The following SCYL2 variants were observed in gnomAD, a reference collection of about 807,000 sequenced individuals.
SCYL2 encodes the protein SCY1-like protein 2.
Under a neutral mutation model 100.4 loss-of-function variants are expected in SCYL2, and 36 were observed. The observed-to-expected ratio is 0.36, with a 90% CI of 0.27 to 0.47. SCYL2 has a LOEUF of 0.47. Ranked by LOEUF, SCYL2 falls within the 20% of genes least tolerant of loss-of-function variation. SCYL2 has a pLI of 1.00. For synonymous variants in SCYL2, 330 were observed against 359.2 expected (o/e 0.92, Z 0.92); for missense variants, 902 against 1,083.9 (o/e 0.83, Z 2.36).
intron 1 of SCYL2, among the ~76,000 whole-genome samples, chr12:100,277,968 A>C (rs929490032): frequency 3.3e-5 from 5 of 152,110 alleles, no homozygotes; most frequent in African/African-American, 1.2e-4. Context: ...ATGATACTGT[A>C]CTGCCTCAAA....
At chr12:100,336,139 A>T (rs1163835415) in intron 16 of SCYL2, among the ~76,000 whole-genome samples, 1 of 151,906 alleles carries the variant, frequency 6.6e-6, no homozygotes. Context: ...ATATTTATAG[A>T]CTCCTTGACT....
chr12:100,268,658 C>T (rs138167215), intron 1 of SCYL2, among the ~76,000 whole-genome samples: 27 of 152,244 alleles, frequency 1.8e-4, no homozygotes, highest in Admixed American at 1.1e-3. Context: ...TAAATACAGG[C>T]ACATTGTACT....
At chr12:100,279,376 C>T (rs545104998) in intron 1 of SCYL2, among the ~76,000 whole-genome samples, 8 of 152,364 alleles carry the variant, frequency 5.3e-5, no homozygotes, top group African/African-American at 1.9e-4. Flanking sequence ...ACCTCCTGCT[C>T]TGCAGCCCGG....
At chr12:100,303,630 A>G (rs2096330431) in intron 4 of SCYL2, among the ~76,000 whole-genome samples, 1 of 152,168 alleles carries the variant, frequency 6.6e-6, no homozygotes, top group African/African-American at 2.4e-5. Flanking sequence ...TTCCTCTGGA[A>G]GCTTTGTCCT....
intron 11 of SCYL2, 47 bp from the exon 12 acceptor site, chr12:100,326,575 G>T (rs2096362066): frequency 7.1e-7 from 1 of 1,408,738 alleles, no homozygotes; most frequent in Non-Finnish European, 9.6e-7. Flanking sequence ...TTTTGTTCTA[G>T]ATTTTGAAAA....
intron 4 of SCYL2, among the ~76,000 whole-genome samples, chr12:100,301,920 A>G (rs1255136073): frequency 6.6e-6 from 1 of 152,194 alleles, no homozygotes; most frequent in Non-Finnish European, 1.5e-5. Flanking sequence ...ATGGCGTACT[A>G]TGTGGGTATC....
intron 2 of SCYL2, among the ~76,000 whole-genome samples, chr12:100,285,592 T>C (rs981657269): frequency 4.6e-5 from 7 of 152,196 alleles, no homozygotes; most frequent in African/African-American, 1.7e-4. Flanking sequence ...ACATTCTGGG[T>C]GGAGGGTTTA....
rs117298167 is a variant in SCYL2 at position 100,272,749 on chromosome 12, T to C, written c.-29+4957T>C. On this transcript the variant is annotated intron_variant, in intron 1 of 17. Coordinates refer to ENST00000360820, the MANE Select transcript of SCYL2 (RefSeq NM_017988.6). ...TAGTTTCGTTCTTTTCTTCTCTTGG[T>C]TTTAACTTGTTTCTTAATTTTTCCT... Among the ~76,000 whole-genome samples the C allele has an allele frequency of 5.3e-5, 8 of 152,254 alleles. No homozygotes were observed. In the East Asian group the frequency reaches 1.5e-3, roughly 29 times the overall value.
chr12:100,338,885 A>G lies in SCYL2; in HGVS notation c.2503A>G (p.Thr835Ala), dbSNP rs1189549639. Residue 835 changes from threonine to alanine, a missense_variant, in exon 18 of 18, where the codon ACA becomes GCA. Thr to Ala is a moderately conservative substitution (Grantham distance 58, BLOSUM62 0). Transcript: ENST00000360820. ...AGAKQTQQRP[T>A]DMSALNNLFG... The stretch of plus-strand genomic sequence containing the variant: ...TGCAAAGCAGACCCAACAAAGACCC[A>G]CAGATATGTCTGCCCTTAATAATCT... 1 of 1,614,156 alleles carries G rather than the reference A, an allele frequency of 6.2e-7. No homozygotes were observed. Among genetic ancestry groups the G allele is most frequent in the Non-Finnish European group, 8.5e-7 (1 of 1,179,994 alleles).
At chr12:100,280,713 G>A (rs1409069910) in intron 1 of SCYL2, among the ~76,000 whole-genome samples, 1 of 152,074 alleles carries the variant, frequency 6.6e-6, no homozygotes, top group Non-Finnish European at 1.5e-5. Context: ...GGTGCTTAAA[G>A]GAAATGCTCT....
At position 100,291,489 on chromosome 12, in the gene SCYL2, ATTC is replaced by A. The variant is rs1479255428; in HGVS notation, c.178-11_178-9del. The stretch of plus-strand genomic sequence containing the variant: ...TATATTTCTTGACTAAAATTACACA[ATTC>A]TTTTATTTAGGAAGTGGCAGTTTTT... On this transcript the variant is annotated splice_polypyrimidine_tract_variant and intron_variant, in intron 2 of 17. Transcript: ENST00000360820. 5.5e-6 allele frequency: 8 copies of A among 1,466,024 alleles called. No individual in the cohort carries two copies. The African/African-American group carries it at 5.8e-5, about 11-fold the overall frequency. 90.8% of individuals were successfully genotyped at this position (1,466,024 alleles called of 1,614,324 possible). A position where few individuals can be genotyped will look rare whatever the true frequency, so the allele number is the denominator to read the frequency against.
chr12:100,318,238 T>C (rs576960485), intron 10 of SCYL2, among the ~76,000 whole-genome samples: 4 of 152,270 alleles, frequency 2.6e-5, no homozygotes, highest in African/African-American at 9.6e-5. Flanking sequence ...TTGTAGTTTG[T>C]ATTATTGTAT....
intron 3 of SCYL2, among the ~76,000 whole-genome samples, chr12:100,296,124 A>C (rs1244538441): frequency 6.6e-6 from 1 of 152,226 alleles, no homozygotes; most frequent in African/African-American, 2.4e-5. Context: ...AATATTATAG[A>C]ATTAGGAATT....
At chr12:100,293,204 G>A (rs2096312613) in intron 3 of SCYL2, among the ~76,000 whole-genome samples, 1 of 152,080 alleles carries the variant, frequency 6.6e-6, no homozygotes, top group Admixed American at 6.6e-5. Context: ...TGATCCTCCT[G>A]CCTCAGCCTA....
At position 100,338,924 on chromosome 12, in the gene SCYL2, A is replaced by G; in HGVS notation, c.2542A>G (p.Lys848Glu). 1 of 1,614,188 alleles carries G rather than the reference A, an allele frequency of 6.2e-7. No individual in the cohort carries two copies. Among genetic ancestry groups the G allele is most frequent in the South Asian group, 1.1e-5 (1 of 91,088 alleles). Reference protein sequence around the residue: ...SALNNLFGPQKPKVSMNQLSQ... With the variant: ...SALNNLFGPQEPKVSMNQLSQ... ...CCTTAATAATCTCTTTGGCCCTCAG[A>G]AACCCAAAGTTAGCATGAACCAGTT... Residue 848 changes from lysine (K) to glutamate (E), a missense_variant, in exon 18 of 18, where the codon AAA becomes GAA. Physicochemically the swap from Lys to Glu is moderately conservative, Grantham distance 56. Transcript: ENST00000360820.
chr12:100,326,820 AC>A, intron 12 of SCYL2, 66 bp downstream of exon 12: 3 of 1,334,486 alleles, frequency 2.2e-6, no homozygotes, highest in Non-Finnish European at 3.1e-6. Context: ...AATCTATAAA[AC>A]AATTATACTC....
chr12:100,330,039 T>C (rs990508448), intron 13 of SCYL2, among the ~76,000 whole-genome samples: 1 of 152,210 alleles, frequency 6.6e-6, no homozygotes, highest in Non-Finnish European at 1.5e-5. Context: ...TGCCATAGTC[T>C]GTTGCTTTAG....
chr12:100,295,720 C>A (rs938041602), intron 3 of SCYL2, among the ~76,000 whole-genome samples: 2 of 150,840 alleles, frequency 1.3e-5, no homozygotes, highest in Non-Finnish European at 3.0e-5. Flanking sequence ...CGTGGGGAGA[C>A]GGGAGAGGGA....
rs867045390 is a variant in SCYL2, at chr12:100,341,515, T to C, written c.*2343T>C. The C allele has an allele frequency of 1.3e-5, 2 of 152,314 alleles. No individual in the cohort carries two copies. The highest frequency in any genetic ancestry group is 4.8e-5 in the African/African-American group (2 of 41,590). The allele number at this position is 152,314 out of a possible 1,614,324, so 9.4% of individuals were successfully genotyped here. A position where few individuals can be genotyped will look rare whatever the true frequency, so the allele number is the denominator to read the frequency against. On this transcript the variant is annotated 3_prime_UTR_variant, in exon 18 of 18. Transcript: ENST00000360820. ...TATAAAAGGAAATGGAAATAGACTA[T>C]GTACTTGTCTGGTTTTTGTTTGTTT...
Sources: allele counts gnomAD v4.1 joint callset (sites outside exome capture counted in the v4.1 genomes callset), GRCh38; gene constraint gnomAD v4.1.1; transcripts MANE v1.5; gene names NCBI Gene and HGNC (gene_info 2026-07-23, HGNC 2026-07-21).